Variants in KIF18A observed in about 807,000 individuals in gnomAD.
KIF18A encodes the protein kinesin-like protein KIF18A.
A neutral mutation model predicts 103.3 loss-of-function variants in KIF18A; 67 were observed. That is an observed-to-expected ratio of 0.65 (90% CI 0.53 to 0.79). KIF18A has a LOEUF of 0.79. Among genes scored for constraint, KIF18A ranks in the 30% least tolerant of loss-of-function variants. The pLI, the probability that KIF18A is intolerant of heterozygous loss-of-function variation, is 0.00. For missense variants in KIF18A, 1,032 were observed against 1,062.5 expected, an observed-to-expected ratio of 0.97 and a Z score of 0.40; for synonymous variants, 367 against 355.5, an observed-to-expected ratio of 1.03 and a Z score of -0.36.
chr11:28,088,612 G>A lies in KIF18A; in HGVS notation c.809C>T (p.Ala270Val), dbSNP rs1321864560. ...GCCTTCTACAAATCGGGTCCCCTTA[G>A]CACCGGAAGTACTTGCTCGCTCAGA... Reference protein sequence around the residue: ...AGSERASTSGAKGTRFVEGTN... With the variant: ...AGSERASTSGVKGTRFVEGTN... The change falls in exon 6 of 17, where the codon GCT (alanine) becomes GTT (valine). Residue 270 changes from alanine to valine, a missense_variant. Ala to Val is a moderately conservative substitution (Grantham distance 64). Transcript: ENST00000263181. 6.2e-7 allele frequency: 1 copy of A among 1,613,886 alleles called. No individual in the cohort carries two copies. Among genetic ancestry groups the A allele is most frequent in the Non-Finnish European group, 8.5e-7 (1 of 1,179,946 alleles).
chr11:28,070,211 T>C (rs1261966856), intron 10 of KIF18A, among the ~76,000 whole-genome samples: 1 of 151,664 alleles, frequency 6.6e-6, no homozygotes, highest in South Asian at 2.1e-4. Context: ...AAGCAGGAAA[T>C]CAAAAAAAAG....
intron 15 of KIF18A, among the ~76,000 whole-genome samples, chr11:28,031,788 C>G (rs1850413632): frequency 6.6e-6 from 1 of 151,792 alleles, no homozygotes; most frequent in Non-Finnish European, 1.5e-5. Flanking sequence ...TGCAGAAAAT[C>G]TGAAATTCTT....
chr11:28,065,601 T>C (rs1850909025), intron 11 of KIF18A, among the ~76,000 whole-genome samples: 1 of 151,986 alleles, frequency 6.6e-6, no homozygotes, highest in Non-Finnish European at 1.5e-5. Context: ...CACTACTAAG[T>C]AGACAAAAAA....
chr11:28,047,910 T>G (rs537887752), intron 13 of KIF18A, among the ~76,000 whole-genome samples: 1 of 152,064 alleles, frequency 6.6e-6, no homozygotes, highest in African/African-American at 2.4e-5. Flanking sequence ...CAACCATGAA[T>G]AAGAGAGAAA....
chr11:28,060,556 C>T lies in KIF18A; in HGVS notation c.1713-1395G>A, dbSNP rs1297744831. The stretch of plus-strand genomic sequence containing the variant: ...ATTTAAACAATTACTTATTTAGCAT[C>T]TACACTAATCAGGTACTGTGCAGGA... On this transcript the variant is annotated intron_variant, in intron 12 of 16. Coordinates refer to ENST00000263181, the MANE Select transcript of KIF18A (RefSeq NM_031217.4). Among the ~76,000 whole-genome samples the T allele has an allele frequency of 2.6e-5, 4 of 152,158 alleles. No homozygotes were observed. The East Asian group carries it at 7.7e-4, about 29-fold the overall frequency.
intron 15 of KIF18A, among the ~76,000 whole-genome samples, chr11:28,024,762 T>TG (rs201059846): frequency 5.6e-4 from 85 of 151,084 alleles, no homozygotes; most frequent in African/African-American, 1.4e-3. Flanking sequence ...CAGGTAGGAT[T>TG]GGGGGGGGTT....
chr11:28,090,195 G>GA (rs2133559160), intron 5 of KIF18A, among the ~76,000 whole-genome samples: 1 of 152,226 alleles, frequency 6.6e-6, no homozygotes, highest in African/African-American at 2.4e-5. Context: ...TGTGCCAACT[G>GA]AATCATACTT....
At position 28,036,273 on chromosome 11, in the gene KIF18A, C is replaced by T. The variant is rs141795075; in HGVS notation, c.2340G>A (p.Lys780=). ...GTGATTCTTGTTCGGGTAATTTACA[C>T]TTCGAGCTCTTGATGTCTTCACATA... The part of the protein sequence containing the change: ...FTICEDIKSS[K]CKLPEQESLP... The change falls in exon 14 of 17, where the codon AAG becomes AAA. Residue 780 remains lysine, a synonymous_variant. Coordinates refer to ENST00000263181, the MANE Select transcript of KIF18A (RefSeq NM_031217.4). 3.8e-4 allele frequency: 610 copies of T among 1,609,394 alleles called. 14 individuals carry two copies. In the East Asian group the frequency reaches 7.3e-3, roughly 19 times the overall value.
chr11:28,050,061 T>C (rs978312033), intron 13 of KIF18A, among the ~76,000 whole-genome samples: 1 of 151,830 alleles, frequency 6.6e-6, no homozygotes, highest in African/African-American at 2.4e-5. Flanking sequence ...TAGGGAACTA[T>C]TATAGTCCTT....
intron 15 of KIF18A, among the ~76,000 whole-genome samples, chr11:28,024,208 A>AAAAC (rs1850284353): frequency 1.3e-5 from 2 of 151,424 alleles, no homozygotes; most frequent in Admixed American, 6.6e-5. Flanking sequence ...AAAAAAAAAA[A>AAAAC]AAACTAAGCT....
intron 13 of KIF18A, among the ~76,000 whole-genome samples, chr11:28,043,914 A>T (rs1362369370): frequency 7.5e-3 from 1 of 134 alleles, no homozygotes; most frequent in Non-Finnish European, 0.016. Flanking sequence ...ATAAATGACC[A>T]AAAAAAAAAA....
intron 13 of KIF18A, among the ~76,000 whole-genome samples, chr11:28,049,670 G>A (rs566817802): frequency 6.6e-6 from 1 of 151,976 alleles, no homozygotes; most frequent in South Asian, 2.1e-4. Flanking sequence ...GAGAAATTCT[G>A]GGAAACTGTG....
rs1486657764 is a variant in KIF18A at position 28,082,328 on chromosome 11, T to C, written c.1262+528A>G. Among the ~76,000 whole-genome samples the C allele has an allele frequency of 3.9e-5, 6 of 152,236 alleles. No homozygotes were observed. The South Asian group carries it at 1.0e-3, about 26-fold the overall frequency. ...TTTCATGAAAGGACGAGTCAATCTA[T>C]GCAGTAAACTTCATTGTTGCCTTAT... On this transcript the variant is annotated intron_variant, in intron 9 of 16. Transcript: ENST00000263181.
Position 28,084,688 on chromosome 11 carries a change from C to A in KIF18A, c.1018G>T (p.Asp340Tyr). Residue 340 changes from aspartate (D) to tyrosine (Y), a missense_variant, in exon 7 of 17, where the codon GAT (aspartate) becomes TAT (tyrosine). Coordinates refer to ENST00000263181, the MANE Select transcript of KIF18A (RefSeq NM_031217.4). ...TACTTAAGAGTGTTATATGTGTCAT[C>A]GTAGAATACAGAGGAAGGACTAACA... ...AAVSPSSVFY[D>Y]DTYNTLKYAN... The A allele has an allele frequency of 6.2e-7, 1 of 1,612,726 alleles. No individual in the cohort carries two copies. The highest frequency in any genetic ancestry group is 8.5e-7 in the Non-Finnish European group (1 of 1,178,906).
intron 8 of KIF18A, 34 bp downstream of exon 8, chr11:28,083,135 C>T (rs368353766): frequency 4.5e-5 from 70 of 1,569,446 alleles, no homozygotes; most frequent in African/African-American, 3.0e-4. Context: ...TGAAGAACTG[C>T]GCAAGACTAG....
chr11:28,078,074 C>A (rs1297713072), intron 9 of KIF18A, among the ~76,000 whole-genome samples: 1 of 152,014 alleles, frequency 6.6e-6, no homozygotes, highest in African/African-American at 2.4e-5. Context: ...ACATTCATAA[C>A]AGTGAAGACT....
chr11:28,052,224 C>T (rs1031779832), intron 13 of KIF18A, among the ~76,000 whole-genome samples: 3 of 152,022 alleles, frequency 2.0e-5, no homozygotes, highest in African/African-American at 7.2e-5. Context: ...CCACAGCAGT[C>T]AGAGAGATCT....
At chr11:28,093,695 C>T (rs1420479660) in intron 3 of KIF18A, among the ~76,000 whole-genome samples, 1 of 151,962 alleles carries the variant, frequency 6.6e-6, no homozygotes, top group African/African-American at 2.4e-5. Flanking sequence ...AGTAAAAATG[C>T]AGGAGGCTGA....
At chr11:28,050,438 GAGATTTCCT>G (rs1473240287) in intron 13 of KIF18A, among the ~76,000 whole-genome samples, 2 of 151,876 alleles carry the variant, frequency 1.3e-5, no homozygotes, top group Middle Eastern at 3.4e-3. Context: ...AATTAGTATA[GAGATTTCCT>G]ATCTTTCAAA....
Sources: gnomAD v4.1 joint callset for allele counts (sites outside exome capture counted in the v4.1 genomes callset) on GRCh38, gnomAD v4.1.1 for gene constraint, MANE v1.5 for transcripts, NCBI Gene and HGNC (gene_info 2026-07-23, HGNC 2026-07-21) for gene names.